Variants in NELL1 observed in about 807,000 individuals in gnomAD.
The protein encoded by NELL1 is protein kinase C-binding protein NELL1.
In NELL1, 76 loss-of-function variants were observed where a neutral mutation model predicts 107.4. The observed-to-expected ratio is 0.71, with a 90% CI of 0.59 to 0.86. NELL1 has a LOEUF of 0.86. Among genes scored for constraint, NELL1 ranks in the 40% least tolerant of loss-of-function variants. NELL1 has a pLI of 0.00. For synonymous variants in NELL1, 353 were observed against 341.2 expected, an observed-to-expected ratio of 1.03 and a Z score of -0.38; for missense variants, 1,024 against 1,005.5, an observed-to-expected ratio of 1.02 and a Z score of -0.25.
At chr11:20,866,479 A>G (rs955275601) in intron 4 of NELL1, among the ~76,000 whole-genome samples, 1 of 152,188 alleles carries the variant, frequency 6.6e-6, no homozygotes, top group African/African-American at 2.4e-5. Context: ...TGTGGTCCAA[A>G]AGGAGGAAGC....
chr11:20,841,696 A>T (rs1848625806), intron 3 of NELL1, among the ~76,000 whole-genome samples: 1 of 152,124 alleles, frequency 6.6e-6, no homozygotes, highest in South Asian at 2.1e-4. Flanking sequence ...TATGTAATAG[A>T]TGGCAGTGAA....
chr11:21,191,593 A>G (rs1227795341), intron 13 of NELL1, among the ~76,000 whole-genome samples: 1 of 151,890 alleles, frequency 6.6e-6, no homozygotes, highest in Non-Finnish European at 1.5e-5. Flanking sequence ...AAATAGCGAT[A>G]TTTATGTCTT....
intron 5 of NELL1, among the ~76,000 whole-genome samples, chr11:20,909,943 G>C (rs1416610020): frequency 6.6e-6 from 1 of 152,170 alleles, no homozygotes; most frequent in African/African-American, 2.4e-5. Flanking sequence ...ATATCGGTTA[G>C]CTATTGCTGC....
chr11:20,953,864 C>T (rs1439498764), intron 11 of NELL1, among the ~76,000 whole-genome samples: 2 of 152,144 alleles, frequency 1.3e-5, no homozygotes, highest in Non-Finnish European at 2.9e-5. Context: ...CCCCTTGTAA[C>T]CCAATGCTCA....
chr11:21,531,259 T>C (rs1322480044), intron 15 of NELL1, among the ~76,000 whole-genome samples: 1 of 152,184 alleles, frequency 6.6e-6, no homozygotes, highest in Non-Finnish European at 1.5e-5. Flanking sequence ...ATTTTTGCAT[T>C]GAACACAACA....
intron 12 of NELL1, among the ~76,000 whole-genome samples, chr11:21,015,574 C>A (rs1852545798): frequency 6.6e-6 from 1 of 152,020 alleles, no homozygotes; most frequent in Non-Finnish European, 1.5e-5. Flanking sequence ...TTTGTTTCCC[C>A]CTGTGGCTGG....
At chr11:20,763,633 T>C (rs1230008439) in intron 2 of NELL1, among the ~76,000 whole-genome samples, 2 of 152,212 alleles carry the variant, frequency 1.3e-5, no homozygotes, top group Non-Finnish European at 2.9e-5. Flanking sequence ...AAAATGGCTG[T>C]ATTTGTACAT....
At chr11:21,140,184 T>A (rs528373180) in intron 13 of NELL1, among the ~76,000 whole-genome samples, 1 of 152,278 alleles carries the variant, frequency 6.6e-6, no homozygotes, top group Non-Finnish European at 1.5e-5. Context: ...ACTTGAAATA[T>A]CTCAAAGCAC....
At chr11:20,686,940 T>A (rs1854319133) in intron 2 of NELL1, among the ~76,000 whole-genome samples, 1 of 151,700 alleles carries the variant, frequency 6.6e-6, no homozygotes. Flanking sequence ...CAGTTTTTTT[T>A]TTTTTTTAAT....
chr11:21,395,322 GT>G (rs756720998), intron 15 of NELL1, among the ~76,000 whole-genome samples: 8 of 151,518 alleles, frequency 5.3e-5, no homozygotes, highest in Non-Finnish European at 7.4e-5. Flanking sequence ...AGAATTCTGT[GT>G]TTGTAATAAG....
At chr11:21,385,751 T>A (rs981859934) in intron 15 of NELL1, among the ~76,000 whole-genome samples, 1 of 151,954 alleles carries the variant, frequency 6.6e-6, no homozygotes, top group African/African-American at 2.4e-5. Context: ...AACACCAACC[T>A]TCTTACAGTA....
At chr11:20,771,214 T>G (rs1043474464) in intron 2 of NELL1, among the ~76,000 whole-genome samples, 2 of 152,120 alleles carry the variant, frequency 1.3e-5, no homozygotes, top group African/African-American at 4.8e-5. Flanking sequence ...ACTCCTTTCC[T>G]ACTTCTCATT....
In NELL1 at chr11:21,312,112, T is replaced by G. The variant is rs566707938; in HGVS notation, c.1550-58741T>G. 2.3e-3 allele frequency among the ~76,000 whole-genome samples: 351 copies of G among 152,262 alleles called. 5 individuals carry two copies. Among genetic ancestry groups the G allele is most frequent in the Admixed American group, 2.9e-3 (45 of 15,276 alleles). On this transcript the variant is annotated intron_variant, in intron 14 of 19. Coordinates refer to ENST00000357134, the MANE Select transcript of NELL1 (RefSeq NM_006157.5). ...ATTTCCCAGCCTCCAGAGAATTCAATTTTTATTGTTTGTAAGTTACTCTGT... is the reference window on the plus strand; with the variant it reads ...ATTTCCCAGCCTCCAGAGAATTCAAGTTTTATTGTTTGTAAGTTACTCTGT...
At chr11:21,398,056 A>G (rs1440269120) in intron 15 of NELL1, among the ~76,000 whole-genome samples, 2 of 151,186 alleles carry the variant, frequency 1.3e-5, no homozygotes, top group African/African-American at 2.4e-5. Flanking sequence ...TTTATATATT[A>G]TATAAATTTA....
intron 2 of NELL1, among the ~76,000 whole-genome samples, chr11:20,751,128 G>A (rs1260635044): frequency 6.6e-6 from 1 of 151,244 alleles, no homozygotes; most frequent in Non-Finnish European, 1.5e-5. Flanking sequence ...TGCTATTACT[G>A]CAGTTTTATG....
At chr11:20,866,208 A>C (rs920963962) in intron 4 of NELL1, among the ~76,000 whole-genome samples, 2 of 152,224 alleles carry the variant, frequency 1.3e-5, no homozygotes, top group Non-Finnish European at 2.9e-5. Context: ...TAGAGCATTC[A>C]GGTCCCCAGA....
chr11:21,556,886 G>A (rs549510040), intron 16 of NELL1, among the ~76,000 whole-genome samples: 28 of 151,964 alleles, frequency 1.8e-4, no homozygotes, highest in African/African-American at 5.8e-4. Context: ...ATTTGAGTAC[G>A]AAATACTCAA....
chr11:20,922,556 C>T (rs1850402955), intron 7 of NELL1, among the ~76,000 whole-genome samples: 1 of 151,856 alleles, frequency 6.6e-6, no homozygotes, highest in Non-Finnish European at 1.5e-5. Context: ...AATTCTATGG[C>T]ACTAAATTTA....
At chr11:21,300,129 G>A (rs961135289) in intron 14 of NELL1, among the ~76,000 whole-genome samples, 3 of 151,984 alleles carry the variant, frequency 2.0e-5, no homozygotes, top group Non-Finnish European at 2.9e-5. Context: ...AACCCCTGGT[G>A]GTAAGAGGAC....
Sources: allele counts gnomAD v4.1 joint callset (sites outside exome capture counted in the v4.1 genomes callset), GRCh38; gene constraint gnomAD v4.1.1; transcripts MANE v1.5; gene names NCBI Gene and HGNC (gene_info 2026-07-23, HGNC 2026-07-21).